EBF4: variants seen among roughly 807,000 people sequenced by gnomAD.
The protein encoded by EBF4 is EBF transcription factor 4, also known as transcription factor COE4.
EBF4 carries 34 observed loss-of-function variants against 67.1 expected under a neutral mutation model. The ratio of observed to expected loss-of-function variants is 0.51; its 90% confidence interval spans 0.39 to 0.67. The LOEUF is 0.67. Ranked by LOEUF, EBF4 falls within the 30% of genes least tolerant of loss-of-function variation. EBF4 has a pLI of 0.00. For missense variants in EBF4, 837 were observed against 873.3 expected (o/e 0.96, Z 0.52); for synonymous variants, 387 against 377.7 (o/e 1.02, Z -0.29).
In EBF4 at chr20:2,755,710, T is replaced by C. The variant is rs1568590416; in HGVS notation, c.1624T>C (p.Ser542Pro). The C allele has an allele frequency of 6.5e-7, 1 of 1,549,486 alleles. No homozygotes were observed. Among genetic ancestry groups the C allele is most frequent in the Non-Finnish European group, 8.7e-7 (1 of 1,146,230 alleles). Residue 542 changes from serine to proline, a missense_variant, in exon 15 of 17, where the codon TCG becomes CCG. By Grantham distance (74) the Ser-to-Pro change is moderately conservative. Transcript: ENST00000609451. The surrounding 1 kb of genome is among the most constrained non-coding windows in gnomAD (Gnocchi z 4.7). ...CCCCACCACCAGCGTGTTCTCCTTC[T>C]CGCCTGTCAACATGATCTCCGCCGT... is the stretch of plus-strand genomic sequence containing the variant.
chr20:2,694,113 C>A (rs376602732), intron 1 of EBF4, among the ~76,000 whole-genome samples: 1 of 152,232 alleles, frequency 6.6e-6, no homozygotes, highest in Non-Finnish European at 1.5e-5. Flanking sequence ...AGCCACCGGC[C>A]GTCTAGGAAC....
Position 2,707,028 on chromosome 20 carries a change from C to G in EBF4, c.414+764C>G, listed in dbSNP as rs1299505456. Among the ~76,000 whole-genome samples the G allele has an allele frequency of 6.6e-6, 1 of 152,186 alleles. No individual in the cohort carries two copies. Among genetic ancestry groups the G allele is most frequent in the Non-Finnish European group, 1.5e-5 (1 of 68,046 alleles). On this transcript the variant is annotated intron_variant, in intron 4 of 16. Coordinates refer to ENST00000609451, the Ensembl canonical transcript of EBF4. The surrounding 1 kb of genome is among the most constrained non-coding windows in gnomAD (Gnocchi z 4.6). ...TTTTCAGAGAAGCTGTGCATGCTGG[C>G]AAGGAGGGGGCTGAGTCTCAAATGG... is the stretch of plus-strand genomic sequence containing the variant.
chr20:2,725,875 C>A (rs1304924419), intron 6 of EBF4, among the ~76,000 whole-genome samples: 1 of 152,170 alleles, frequency 6.6e-6, no homozygotes, highest in Non-Finnish European at 1.5e-5. Flanking sequence ...GCTTATGGCT[C>A]CCAATTAGAT....
chr20:2,750,047 C>T, intron 10 of EBF4, 74 bp downstream of exon 10: 1 of 1,473,392 alleles, frequency 6.8e-7, no homozygotes, highest in Non-Finnish European at 9.0e-7. Context: ...GGTCTCCGTT[C>T]TTGGTGATAG....
intron 1 of EBF4, among the ~76,000 whole-genome samples, chr20:2,697,967 G>A (rs965741422): frequency 7.2e-5 from 11 of 152,224 alleles, no homozygotes; most frequent in Non-Finnish European, 1.5e-4. Flanking sequence ...GCAGCTGCAG[G>A]CTAGCATCCC....
At chr20:2,695,938 G>A (rs1307884185) in intron 1 of EBF4, among the ~76,000 whole-genome samples, 5 of 151,662 alleles carry the variant, frequency 3.3e-5, no homozygotes, top group African/African-American at 4.9e-5. Flanking sequence ...GTTCTTTTCC[G>A]TGTCCTAGTC....
intron 1 of EBF4, among the ~76,000 whole-genome samples, chr20:2,703,157 T>C (rs2087400204): frequency 6.7e-6 from 1 of 150,294 alleles, no homozygotes; most frequent in Non-Finnish European, 1.5e-5. Context: ...GTCAGGAGGC[T>C]GAGGTGGGAG....
chr20:2,742,285 C>T (rs938145036), intron 6 of EBF4, among the ~76,000 whole-genome samples: 9 of 152,196 alleles, frequency 5.9e-5, no homozygotes, highest in Non-Finnish European at 2.9e-5. Context: ...CAGACCGACA[C>T]GACCTGGGGG....
At position 2,705,671 on chromosome 20, in the gene EBF4, C is replaced by T. The variant is rs760998152; in HGVS notation, c.232C>T (p.Arg78Trp). 75 of 1,551,958 alleles carry T rather than the reference C, an allele frequency of 4.8e-5. No homozygotes were observed. In the Middle Eastern group the frequency reaches 5.0e-4, roughly 10 times the overall value. Residue 78 changes from arginine (R) to tryptophan (W), a missense_variant, in exon 2 of 17, where the codon CGG (arginine) becomes TGG (tryptophan). This residue lies in a region of EBF4 where 226 missense variants were observed against 306.5 expected (regional missense o/e 0.74). Coordinates refer to ENST00000609451, the Ensembl canonical transcript of EBF4. Reference sequence around the variant, plus strand: ...CCACTTCGTGCTGGCCATGTACGACCGGCAGGGGCAGCCCGTGGAGGTGGA... The same window carrying T: ...CCACTTCGTGCTGGCCATGTACGACTGGCAGGGGCAGCCCGTGGAGGTGGA...
exon 14 of EBF4, chr20:2,752,482 G>T: frequency 7.9e-7 from 1 of 1,262,508 alleles, no homozygotes. Flanking sequence ...GGGCGTGGCC[G>T]GCCTCGGCGT....
In EBF4 at chr20:2,751,807, C is replaced by A; in HGVS notation, c.1107+19C>A. ...GCCCAAGGTACTCAGAGGGGCGGGGCGGGGCGGGGCTGAGGGTGTCCTGTG... is the reference window on the plus strand; with the variant it reads ...GCCCAAGGTACTCAGAGGGGCGGGGAGGGGCGGGGCTGAGGGTGTCCTGTG... On this transcript the variant is annotated intron_variant, in intron 11 of 16. Transcript: ENST00000609451. The surrounding 1 kb of genome is among the most constrained non-coding windows in gnomAD (Gnocchi z 5.2). 2.1e-6 allele frequency: 1 copy of A among 487,180 alleles called. No homozygotes were observed. The highest frequency in any genetic ancestry group is 4.1e-6 in the Non-Finnish European group (1 of 246,178). 30.2% of individuals were successfully genotyped at this position (487,180 alleles called of 1,614,324 possible).
intron 15 of EBF4, among the ~76,000 whole-genome samples, chr20:2,758,423 A>G (rs1030644629): frequency 2.0e-5 from 3 of 152,120 alleles, no homozygotes; most frequent in Admixed American, 1.3e-4. Context: ...AATGTGAAGG[A>G]TGGAGAGAAC....
At chr20:2,702,310 C>G (rs1384635852) in intron 1 of EBF4, among the ~76,000 whole-genome samples, 2 of 152,130 alleles carry the variant, frequency 1.3e-5, no homozygotes, top group Admixed American at 6.5e-5. Flanking sequence ...TGCCTGTAGT[C>G]CCAGCTACTC....
chr20:2,694,537 C>T (rs1174536940), intron 1 of EBF4, among the ~76,000 whole-genome samples: 3 of 152,184 alleles, frequency 2.0e-5, no homozygotes, highest in African/African-American at 7.2e-5. Context: ...AAAGCCCCTG[C>T]ACCCCCTGGC....
chr20:2,754,908 G>A (rs1346093456), intron 14 of EBF4, among the ~76,000 whole-genome samples: 1 of 150,848 alleles, frequency 6.6e-6, no homozygotes, highest in Non-Finnish European at 1.5e-5. Flanking sequence ...AAGATCTGAG[G>A]ATGTACATCC....
chr20:2,722,520 C>T (rs2087695661), intron 6 of EBF4, among the ~76,000 whole-genome samples: 1 of 152,200 alleles, frequency 6.6e-6, no homozygotes, highest in South Asian at 2.1e-4. Flanking sequence ...TCTTTGTATG[C>T]AGCTGTCTCC....
chr20:2,724,506 T>C (rs950305264), intron 6 of EBF4, among the ~76,000 whole-genome samples: 1 of 152,230 alleles, frequency 6.6e-6, no homozygotes, highest in Admixed American at 6.5e-5. Flanking sequence ...ACTTTTGTCT[T>C]TGTATGACTC....
At position 2,755,771 on chromosome 20, in the gene EBF4, C is replaced by A; in HGVS notation, c.1685C>A (p.Pro562His). The change falls in exon 15 of 17, where the codon CCC becomes CAC. Residue 562 changes from proline to histidine, a missense_variant. Physicochemically the swap from Pro to His is moderately conservative, Grantham distance 77 (BLOSUM62 -2). This residue lies in a region of EBF4 where 525 missense variants were observed against 496.5 expected (regional missense o/e 1.06). Coordinates refer to ENST00000609451, the Ensembl canonical transcript of EBF4. The surrounding 1 kb of genome is among the most constrained non-coding windows in gnomAD (Gnocchi z 4.7). ...AGCGCCTTCGCCCCCGTGCTGCGCCCCCCAAGCTCCCCACCCCAGGCCTGC... is the reference window on the plus strand; with the variant it reads ...AGCGCCTTCGCCCCCGTGCTGCGCCACCCAAGCTCCCCACCCCAGGCCTGC... 1 of 1,550,320 alleles carries A rather than the reference C, an allele frequency of 6.5e-7. No individual in the cohort carries two copies. The highest frequency in any genetic ancestry group is 8.7e-7 in the Non-Finnish European group (1 of 1,146,958).
chr20:2,701,056 C>T (rs537953558), intron 1 of EBF4, among the ~76,000 whole-genome samples: 289 of 152,364 alleles, frequency 1.9e-3, no homozygotes, highest in Non-Finnish European at 3.4e-3. Context: ...CAGTCCTCCT[C>T]TGGTTGGAAG....
Sources: gnomAD v4.1 joint callset for allele counts (sites outside exome capture counted in the v4.1 genomes callset) on GRCh38, gnomAD v4.1.1 for gene constraint, gnomAD v4.1.1 regional missense constraint, Gnocchi (gnomAD v3.1) non-coding constraint, MANE v1.5 for transcripts, NCBI Gene and HGNC (gene_info 2026-07-23, HGNC 2026-07-21) for gene names.